Variants in CDK9 observed in about 807,000 individuals in gnomAD.
CDK9 encodes cyclin dependent kinase 9.
CDK9 carries 34 observed loss-of-function variants against 39.0 expected under a neutral mutation model. The observed-to-expected ratio is 0.87, with a 90% CI of 0.66 to 1.16. The LOEUF is 1.16. CDK9 is among the 50% of genes most tolerant of loss of function. CDK9 has a pLI of 0.00. For synonymous variants in CDK9, 233 were observed against 196.2 expected (o/e 1.19, Z -1.57); for missense variants, 369 against 503.2 (o/e 0.73, Z 2.55).
At position 127,789,204 on chromosome 9, in the gene CDK9, G is replaced by A. The variant is rs1383704333; in HGVS notation, c.780G>A (p.Glu260=). Residue 260 remains glutamate (E), a synonymous_variant, in exon 7 of 7, where the codon GAG becomes GAA. Transcript: ENST00000373264. The surrounding 1 kb of genome is among the most constrained non-coding windows in gnomAD (Gnocchi z 5.2). ...PEVWPNVDNY[E]LYEKLELVKG... ...TGTGGCCAAACGTGGACAACTATGA[G>A]CTGTACGAAAAGCTGGAGCTGGTCA... The A allele has an allele frequency of 6.2e-7, 1 of 1,600,962 alleles. No individual in the cohort carries two copies. The highest frequency in any genetic ancestry group is 1.1e-5 in the South Asian group (1 of 89,762).
rs1428469410 is a variant in CDK9 at position 127,789,812 on chromosome 9, CTT to C, written c.*273_*274del. 1 of 468,166 alleles carries C rather than the reference CTT, an allele frequency of 2.1e-6. No homozygotes were observed. Among genetic ancestry groups the C allele is most frequent in the Non-Finnish European group, 3.8e-6 (1 of 261,290 alleles). The allele number at this position is 468,166 out of a possible 1,614,324, so 29.0% of individuals were successfully genotyped here. On this transcript the variant is annotated 3_prime_UTR_variant, in exon 7 of 7. Transcript: ENST00000373264. The surrounding 1 kb of genome is among the most constrained non-coding windows in gnomAD (Gnocchi z 5.2). ...GGAGGATGGGCTCGCCCACCAGTGACTTTTTCTAAGAGCTCCCGGCGTGGTGG... is the reference window on the plus strand; with the variant it reads ...GGAGGATGGGCTCGCCCACCAGTGACTTTCTAAGAGCTCCCGGCGTGGTGG...
At position 127,789,654 on chromosome 9, in the gene CDK9, C is replaced by T; in HGVS notation, c.*111C>T. On this transcript the variant is annotated 3_prime_UTR_variant, in exon 7 of 7. Transcript: ENST00000373264. This position sits in a 1 kb window ranked among gnomAD's most constrained non-coding sequence, Gnocchi z 5.2. ...ATCTCTCATGCATATTTTATTTAAT[C>T]CCCACCCTGGGCTCTGGGAGCAGCC... 7.2e-7 allele frequency: 1 copy of T among 1,385,628 alleles called. No homozygotes were observed. The highest frequency in any genetic ancestry group is 9.7e-7 in the Non-Finnish European group (1 of 1,034,712). 85.8% of individuals were successfully genotyped at this position (1,385,628 alleles called of 1,614,324 possible).
intron 5 of CDK9, 45 bp from the exon 6 acceptor site, chr9:127,788,499 G>A: frequency 6.5e-7 from 1 of 1,530,676 alleles, no homozygotes; most frequent in Non-Finnish European, 8.8e-7. Context: ...AGCCTCAGGA[G>A]GCCCTCGGGC....
Position 127,786,106 on chromosome 9 carries a change from G to A in CDK9, c.-43G>A, listed in dbSNP as rs772188304. The A allele has an allele frequency of 2.0e-6, 3 of 1,484,402 alleles. No homozygotes were observed. The highest frequency in any genetic ancestry group is 2.5e-5 in the East Asian group (1 of 40,290). 92.0% of individuals were successfully genotyped at this position (1,484,402 alleles called of 1,614,324 possible). A position where few individuals can be genotyped will look rare whatever the true frequency, so the allele number is the denominator to read the frequency against. ...CGGCGGGACCCGGAGCAGGAGCGGCGGCAGCAGCGACTGGGGGCGGCGGCG... is the reference window on the plus strand; with the variant it reads ...CGGCGGGACCCGGAGCAGGAGCGGCAGCAGCAGCGACTGGGGGCGGCGGCG... On this transcript the variant is annotated 5_prime_UTR_variant, in exon 1 of 7. Coordinates refer to ENST00000373264, the MANE Select transcript of CDK9 (RefSeq NM_001261.4).
In CDK9 at chr9:127,786,134, G is replaced by T; in HGVS notation, c.-15G>T. The T allele has an allele frequency of 6.3e-7, 1 of 1,584,264 alleles. No homozygotes were observed. Among genetic ancestry groups the T allele is most frequent in the Non-Finnish European group, 8.6e-7 (1 of 1,165,094 alleles). On this transcript the variant is annotated 5_prime_UTR_variant, in exon 1 of 7. Coordinates refer to ENST00000373264, the MANE Select transcript of CDK9 (RefSeq NM_001261.4). ...AGCAGCGACTGGGGGCGGCGGCGGC[G>T]CGTTGGAGGCGGCCATGGCAAAGCA... is the stretch of plus-strand genomic sequence containing the variant.
intron 1 of CDK9, 104 bp from the exon 2 acceptor site, chr9:127,786,597 C>G: frequency 9.4e-7 from 1 of 1,064,406 alleles, no homozygotes; most frequent in Non-Finnish European, 1.4e-6. Context: ...AGCCCAGCCC[C>G]GCCCGGGAAT....
chr9:127,786,304 G>C (rs889156287), intron 1 of CDK9, 64 bp downstream of exon 1: 1 of 1,319,844 alleles, frequency 7.6e-7, no homozygotes, highest in African/African-American at 1.8e-5. Flanking sequence ...ACGTCGGGAT[G>C]CCCGGGCCCC....
chr9:127,789,198 C>T lies in CDK9; in HGVS notation c.774C>T (p.Asn258=), dbSNP rs1564433538. 1 of 1,598,554 alleles carries T rather than the reference C, an allele frequency of 6.3e-7. No homozygotes were observed. Among genetic ancestry groups the T allele is most frequent in the East Asian group, 2.2e-5 (1 of 44,596 alleles). The change falls in exon 7 of 7, where the codon AAC becomes AAT. Residue 258 remains asparagine, a synonymous_variant. Coordinates refer to ENST00000373264, the MANE Select transcript of CDK9 (RefSeq NM_001261.4). The surrounding 1 kb of genome is among the most constrained non-coding windows in gnomAD (Gnocchi z 5.2). The part of the protein sequence containing the change: ...ITPEVWPNVD[N]YELYEKLELV... ...CCCAGGTGTGGCCAAACGTGGACAACTATGAGCTGTACGAAAAGCTGGAGC... is the reference window on the plus strand; with the variant it reads ...CCCAGGTGTGGCCAAACGTGGACAATTATGAGCTGTACGAAAAGCTGGAGC...
At chr9:127,786,852 C>T (rs1829331228) in intron 2 of CDK9, 70 bp downstream of exon 2, 20 of 1,270,904 alleles carry the variant, frequency 1.6e-5, no homozygotes, top group Non-Finnish European at 2.0e-5. Flanking sequence ...TTCCACCCTG[C>T]TGCTTCTGGG....
Position 127,786,076 on chromosome 9 carries a change from G to A in CDK9, c.-73G>A. On this transcript the variant is annotated 5_prime_UTR_variant, in exon 1 of 7. Transcript: ENST00000373264. ...GCGGCCGCGGAGGGGCCTGGAGTGC[G>A]GCGGCGGCGGGACCCGGAGCAGGAG... 1 of 1,070,358 alleles carries A rather than the reference G, an allele frequency of 9.3e-7. No homozygotes were observed. The highest frequency in any genetic ancestry group is 1.3e-6 in the Non-Finnish European group (1 of 751,972). The allele number at this position is 1,070,358 out of a possible 1,614,324, so 66.3% of individuals were successfully genotyped here.
Position 127,788,567 on chromosome 9 carries a change from A to G in CDK9, c.628A>G (p.Ile210Val), listed in dbSNP as rs1217556836. Residue 210 changes from isoleucine (I) to valine (V), a missense_variant, in exon 6 of 7, where the codon ATT becomes GTT. Coordinates refer to ENST00000373264, the MANE Select transcript of CDK9 (RefSeq NM_001261.4). ...LLGERDYGPP[I>V]DLWGAGCIMA... ...AGGGGAGCGGGACTACGGCCCCCCC[A>G]TTGACCTGTGGGGTGCTGGGTGCAT... 2 of 1,575,886 alleles carry G rather than the reference A, an allele frequency of 1.3e-6. No homozygotes were observed. The highest frequency in any genetic ancestry group is 1.3e-5 in the African/African-American group (1 of 74,580).
At chr9:127,787,763 C>T (rs547771602) in intron 3 of CDK9, among the ~76,000 whole-genome samples, 155 bp downstream of exon 3, 10 of 152,266 alleles carry the variant, frequency 6.6e-5, no homozygotes, top group Non-Finnish European at 1.3e-4. Flanking sequence ...CTGGTGCTTC[C>T]TCGGGGCCTG....
chr9:127,788,448 C>T (rs1017740007), intron 5 of CDK9, 63 bp downstream of exon 5: 81 of 1,555,960 alleles, frequency 5.2e-5, no homozygotes, highest in African/African-American at 8.2e-5. Context: ...CCCTTCCCCC[C>T]AACTGCCAGG....
intron 2 of CDK9, 125 bp downstream of exon 2, chr9:127,786,907 T>A: frequency 1.4e-6 from 1 of 733,806 alleles, no homozygotes; most frequent in African/African-American, 1.8e-5. Context: ...TTCAGAAATT[T>A]CCAGGGAATG....
intron 5 of CDK9, 54 bp from the exon 6 acceptor site, chr9:127,788,490 G>A (rs1255332477): frequency 6.5e-7 from 1 of 1,530,802 alleles, no homozygotes; most frequent in Non-Finnish European, 8.8e-7. Flanking sequence ...GGGGCATTGA[G>A]CCTCAGGAGG....
Position 127,789,691 on chromosome 9 carries a change from C to A in CDK9, c.*148C>A. On this transcript the variant is annotated 3_prime_UTR_variant, in exon 7 of 7. Transcript: ENST00000373264. This position sits in a 1 kb window ranked among gnomAD's most constrained non-coding sequence, Gnocchi z 5.2. Reference sequence around the variant, plus strand: ...CTCTGGGAGCAGCCCGCTGAGTGGACTGGAGTGGAGCATTGGCTGAGAGAC... The same window carrying A: ...CTCTGGGAGCAGCCCGCTGAGTGGAATGGAGTGGAGCATTGGCTGAGAGAC... 9.7e-7 allele frequency: 1 copy of A among 1,030,160 alleles called. No homozygotes were observed. Among genetic ancestry groups the A allele is most frequent in the Non-Finnish European group, 1.4e-6 (1 of 724,076 alleles). 63.8% of individuals were successfully genotyped at this position (1,030,160 alleles called of 1,614,324 possible).
chr9:127,789,207 G>C lies in CDK9; in HGVS notation c.783G>C (p.Leu261=). The C allele has an allele frequency of 6.2e-7, 1 of 1,602,558 alleles. No individual in the cohort carries two copies. The highest frequency in any genetic ancestry group is 8.5e-7 in the Non-Finnish European group (1 of 1,172,260). Residue 261 remains leucine (L), a synonymous_variant, in exon 7 of 7, where the codon CTG becomes CTC. Transcript: ENST00000373264. This position sits in a 1 kb window ranked among gnomAD's most constrained non-coding sequence, Gnocchi z 5.2. ...EVWPNVDNYE[L]YEKLELVKGQ... is the part of the protein sequence containing the mutation. ...GGCCAAACGTGGACAACTATGAGCT[G>C]TACGAAAAGCTGGAGCTGGTCAAGG...
Position 127,788,693 on chromosome 9 carries a change from G to A in CDK9, c.753+1G>A. On this transcript the variant is annotated splice_donor_variant, in intron 6 of 6. Transcript: ENST00000373264. LOFTEE classifies it high-confidence loss of function. ...GCTCTGCGGCTCCATCACCCCTGAG[G>A]TACGGGGCCCCGGTCCCCACGGGGT... 1 of 1,593,964 alleles carries A rather than the reference G, an allele frequency of 6.3e-7. No homozygotes were observed. The highest frequency in any genetic ancestry group is 1.1e-5 in the South Asian group (1 of 88,150).
At chr9:127,787,847 T>C (rs1588538325) in intron 3 of CDK9, 100 bp from the exon 4 acceptor site, 3 of 1,250,238 alleles carry the variant, frequency 2.4e-6, no homozygotes, top group Admixed American at 1.7e-5. Flanking sequence ...CTGGAGGGCA[T>C]GGGTGCCCGT....
Sources: allele counts gnomAD v4.1 joint callset (sites outside exome capture counted in the v4.1 genomes callset), GRCh38; gene constraint gnomAD v4.1.1; non-coding constraint Gnocchi (gnomAD v3.1); transcripts MANE v1.5; gene names NCBI Gene and HGNC (gene_info 2026-07-23, HGNC 2026-07-21).